The following CNTNAP2 variants were observed in gnomAD, a reference collection of about 807,000 sequenced individuals.
CNTNAP2 encodes the protein contactin-associated protein-like 2.
CNTNAP2 carries 98 observed loss-of-function variants against 155.2 expected under a neutral mutation model. The ratio of observed to expected loss-of-function variants is 0.63; its 90% confidence interval spans 0.54 to 0.75. The LOEUF (loss-of-function observed/expected upper bound fraction) is 0.75, where lower values mean the gene tolerates loss of function less well. Among genes scored for constraint, CNTNAP2 ranks in the 30% least tolerant of loss-of-function variants. CNTNAP2 has a pLI of 0.00. For synonymous variants in CNTNAP2, 651 were observed against 631.2 expected (o/e 1.03, Z -0.47); for missense variants, 1,727 against 1,688.1 (o/e 1.02, Z -0.40).
At chr7:147,312,468 G>T (rs920354047) in intron 9 of CNTNAP2, among the ~76,000 whole-genome samples, 8 of 132,570 alleles carry the variant, frequency 6.0e-5, no homozygotes, top group Non-Finnish European at 1.2e-4. Context: ...GTGTCCATGT[G>T]TTCTCATTGT....
In CNTNAP2 at chr7:147,414,941, C is replaced by CAAAAAAAAAAAAAAAAAA. The variant is rs67048724; in HGVS notation, c.1670+19166_1670+19183dup. Among the ~76,000 whole-genome samples, 75 of 50,908 alleles carry CAAAAAAAAAAAAAAAAAA rather than the reference C, an allele frequency of 1.5e-3. 1 individual carries two copies. The highest frequency in any genetic ancestry group is 1.6e-3 in the Non-Finnish European group (43 of 26,510). 33.4% of individuals were successfully genotyped at this position (50,908 alleles called of 152,430 possible). On this transcript the variant is annotated intron_variant, in intron 10 of 23. Coordinates refer to ENST00000361727, the MANE Select transcript of CNTNAP2 (RefSeq NM_014141.6). ...TGGGTGAAAGAGAGAGACTCCTTCTCAAAAAAAAAAAAAAAAAAAAAAGAA... is the reference window on the plus strand; with the variant it reads ...TGGGTGAAAGAGAGAGACTCCTTCTCAAAAAAAAAAAAAAAAAAAAAAAAAAAAAAAAAAAAAAAAGAA...
chr7:147,406,100 T>C (rs999524006), intron 10 of CNTNAP2, among the ~76,000 whole-genome samples: 2 of 152,202 alleles, frequency 1.3e-5, no homozygotes, highest in African/African-American at 4.8e-5. Context: ...TGAAGACTTG[T>C]ATCATTCCCC....
At chr7:146,509,071 C>T (rs1008289098) in intron 1 of CNTNAP2, among the ~76,000 whole-genome samples, 2 of 152,204 alleles carry the variant, frequency 1.3e-5, no homozygotes, top group East Asian at 3.9e-4. Context: ...GTGCAGAGCA[C>T]AACACAAGGT....
At chr7:146,792,102 G>A (rs985289787) in intron 2 of CNTNAP2, among the ~76,000 whole-genome samples, 6 of 152,152 alleles carry the variant, frequency 3.9e-5, no homozygotes, top group Non-Finnish European at 8.8e-5. Flanking sequence ...TCTCACTGCC[G>A]TTTGGAATGG....
intron 3 of CNTNAP2, among the ~76,000 whole-genome samples, chr7:146,936,028 A>G (rs905750979): frequency 1.3e-5 from 2 of 152,162 alleles, no homozygotes; most frequent in African/African-American, 4.8e-5. Flanking sequence ...CAGAAATGAC[A>G]AGAGCTGAAA....
chr7:146,466,662 T>C (rs1318233704), intron 1 of CNTNAP2, among the ~76,000 whole-genome samples: 1 of 152,180 alleles, frequency 6.6e-6, no homozygotes, highest in African/African-American at 2.4e-5. Context: ...ATTTATAGCA[T>C]AATAAAAGAA....
chr7:148,413,202 G>A (rs1042148615), intron 23 of CNTNAP2, among the ~76,000 whole-genome samples: 1 of 151,084 alleles, frequency 6.6e-6, no homozygotes, highest in Non-Finnish European at 1.5e-5. Flanking sequence ...GACCAGCCTA[G>A]CCAACACAGT....
chr7:148,392,892 G>C (rs1799383297), intron 22 of CNTNAP2, among the ~76,000 whole-genome samples: 3 of 114,162 alleles, frequency 2.6e-5, no homozygotes, highest in Admixed American at 1.0e-4. Flanking sequence ...CATTAGACTT[G>C]AGTATACCCA....
intron 16 of CNTNAP2, among the ~76,000 whole-genome samples, chr7:148,134,029 A>G (rs1804886924): frequency 6.6e-6 from 1 of 152,184 alleles, no homozygotes; most frequent in African/African-American, 2.4e-5. Context: ...CCCAAGGACC[A>G]CTTCAAAGAT....
At chr7:147,481,119 A>G (rs1461089204) in intron 10 of CNTNAP2, among the ~76,000 whole-genome samples, 1 of 152,198 alleles carries the variant, frequency 6.6e-6, no homozygotes. Flanking sequence ...ACAAGACCAA[A>G]TATGGTTTTA....
Position 147,903,625 on chromosome 7 carries a change from G to A in CNTNAP2, c.2159G>A (p.Gly720Asp), listed in dbSNP as rs778653497. The change falls in exon 14 of 24, where the codon GGC becomes GAC. Residue 720 changes from glycine (G) to aspartate (D), a missense_variant. Transcript: ENST00000361727. ...KANEKHYYWG[G>D]SGPGIQKCAC... ...AACGAGAAGCACTACTACTGGGGAG[G>A]CTCTGGGCCTGGAATCCAGAAATGT... 2 of 1,614,154 alleles carry A rather than the reference G, an allele frequency of 1.2e-6. No homozygotes were observed. Among genetic ancestry groups the A allele is most frequent in the East Asian group, 4.5e-5 (2 of 44,860 alleles).
At chr7:147,204,871 AT>A (rs1394299699) in intron 8 of CNTNAP2, among the ~76,000 whole-genome samples, 1 of 152,158 alleles carries the variant, frequency 6.6e-6, no homozygotes, top group African/African-American at 2.4e-5. Flanking sequence ...GTAAGAAAAT[AT>A]CATTAATCTC....
intron 14 of CNTNAP2, among the ~76,000 whole-genome samples, chr7:147,951,294 C>T (rs1312864841): frequency 6.6e-6 from 1 of 152,096 alleles, no homozygotes; most frequent in Non-Finnish European, 1.5e-5. Flanking sequence ...AGAAAAAGTA[C>T]AGAAAGAAAA....
At chr7:146,561,276 A>C (rs932354322) in intron 1 of CNTNAP2, among the ~76,000 whole-genome samples, 1 of 152,170 alleles carries the variant, frequency 6.6e-6, no homozygotes, top group Non-Finnish European at 1.5e-5. Context: ...GTACAACCAG[A>C]ATTTACCTGA....
chr7:147,145,878 T>G (rs1405035923), intron 8 of CNTNAP2, among the ~76,000 whole-genome samples: 1 of 152,204 alleles, frequency 6.6e-6, no homozygotes, highest in Non-Finnish European at 1.5e-5. Flanking sequence ...GTTCTCCCGG[T>G]ACACACTTTA....
intron 1 of CNTNAP2, among the ~76,000 whole-genome samples, chr7:146,684,157 G>T (rs931983230): frequency 6.6e-6 from 1 of 152,132 alleles, no homozygotes. Context: ...CCATAGTGCA[G>T]AACCTTACAC....
At chr7:147,564,525 T>C (rs1012179197) in intron 12 of CNTNAP2, among the ~76,000 whole-genome samples, 2 of 152,146 alleles carry the variant, frequency 1.3e-5, no homozygotes, top group African/African-American at 4.8e-5. Flanking sequence ...ATTCTTAACC[T>C]CAAGGGAAAT....
At chr7:148,410,050 CA>C (rs368019326) in intron 23 of CNTNAP2, among the ~76,000 whole-genome samples, 1 of 19,834 alleles carries the variant, frequency 5.0e-5, no homozygotes, top group African/African-American at 2.5e-4. Context: ...GACTCCGTCT[CA>C]AAAAAAAAAA....
intron 1 of CNTNAP2, among the ~76,000 whole-genome samples, chr7:146,525,252 A>G (rs772064517): frequency 3.3e-5 from 5 of 152,108 alleles, no homozygotes; most frequent in Non-Finnish European, 7.4e-5. Context: ...GAAAAGCACT[A>G]ATTGTCAGAG....
Sources: allele counts gnomAD v4.1 joint callset (sites outside exome capture counted in the v4.1 genomes callset), GRCh38; gene constraint gnomAD v4.1.1; transcripts MANE v1.5; gene names NCBI Gene and HGNC (gene_info 2026-07-23, HGNC 2026-07-21).